TFCP2: variants seen among roughly 807,000 people sequenced by gnomAD.
TFCP2 encodes transcription factor CP2.
In TFCP2, 33 loss-of-function variants were observed where a neutral mutation model predicts 73.4. The ratio of observed to expected loss-of-function variants is 0.45; its 90% confidence interval spans 0.34 to 0.60. The LOEUF (loss-of-function observed/expected upper bound fraction) is 0.60, where lower values mean the gene tolerates loss of function less well. Among genes scored for constraint, TFCP2 ranks in the 20% least tolerant of loss-of-function variants. The probability of loss-of-function intolerance (pLI) is 0.01; values close to 1 mark genes in which losing one functional copy is unlikely to be tolerated. For missense variants in TFCP2, 352 were observed against 604.0 expected, an observed-to-expected ratio of 0.58 and a Z score of 4.37; for synonymous variants, 193 against 211.6, an observed-to-expected ratio of 0.91 and a Z score of 0.76.
At chr12:51,137,746 T>C (rs1283751664) in intron 1 of TFCP2, among the ~76,000 whole-genome samples, 4 of 152,188 alleles carry the variant, frequency 2.6e-5, no homozygotes, top group Non-Finnish European at 4.4e-5. Flanking sequence ...AAAATAGAAC[T>C]CCCATTTCAG....
chr12:51,163,698 A>G (rs2934092), intron 1 of TFCP2, among the ~76,000 whole-genome samples: 127,156 of 151,874 alleles, frequency 0.84, 53,541 homozygotes, highest in Non-Finnish European at 0.89. Context: ...GAGGTGGGAG[A>G]ATCGCTTGAG....
intron 4 of TFCP2, among the ~76,000 whole-genome samples, chr12:51,112,766 CT>C (rs1310220876): frequency 6.6e-6 from 1 of 151,004 alleles, no homozygotes; most frequent in Non-Finnish European, 1.5e-5. Context: ...ACTCAGGAGT[CT>C]GAGGCATGAG....
chr12:51,134,374 T>C (rs1941016864), intron 1 of TFCP2, among the ~76,000 whole-genome samples: 1 of 152,176 alleles, frequency 6.6e-6, no homozygotes, highest in South Asian at 2.1e-4. Context: ...AACCTTCACC[T>C]CCCGGGCTGA....
At chr12:51,148,590 C>T (rs1375973096) in intron 1 of TFCP2, among the ~76,000 whole-genome samples, 4 of 150,092 alleles carry the variant, frequency 2.7e-5, no homozygotes, top group Non-Finnish European at 4.4e-5. Flanking sequence ...GTCCAGGCTA[C>T]TTGGGAGGCT....
At chr12:51,164,043 TA>T (rs531369096) in intron 1 of TFCP2, among the ~76,000 whole-genome samples, 3 of 147,796 alleles carry the variant, frequency 2.0e-5, no homozygotes, top group African/African-American at 2.5e-5. Flanking sequence ...TCTATGAAAT[TA>T]AAAAAAAAAT....
intron 1 of TFCP2, among the ~76,000 whole-genome samples, chr12:51,165,707 C>T (rs946159872): frequency 6.6e-6 from 1 of 152,090 alleles, no homozygotes; most frequent in African/African-American, 2.4e-5. Context: ...CGTAAATGTA[C>T]TTAATTACAC....
intron 9 of TFCP2, 172 bp from the exon 10 acceptor site, chr12:51,103,935 C>G (rs1432753883): frequency 7.2e-6 from 5 of 696,258 alleles, no homozygotes; most frequent in Non-Finnish European, 1.2e-5. Context: ...CTTTTCTTCC[C>G]CACTAGACTA....
At chr12:51,115,504 T>A (rs1940513815) in intron 4 of TFCP2, among the ~76,000 whole-genome samples, 1 of 152,122 alleles carries the variant, frequency 6.6e-6, no homozygotes, top group African/African-American at 2.4e-5. Flanking sequence ...CTAAAAAAAA[T>A]CTAAGATAGA....
At chr12:51,160,746 A>C (rs1040045042) in intron 1 of TFCP2, among the ~76,000 whole-genome samples, 1 of 152,194 alleles carries the variant, frequency 6.6e-6, no homozygotes, top group Non-Finnish European at 1.5e-5. Context: ...AAACACTTGC[A>C]GTGTCCAGAA....
At chr12:51,120,539 G>T (rs1403707512) in intron 1 of TFCP2, among the ~76,000 whole-genome samples, 1 of 151,906 alleles carries the variant, frequency 6.6e-6, no homozygotes, top group Non-Finnish European at 1.5e-5. Context: ...CTACGTGGTT[G>T]TAACTGTAAC....
chr12:51,157,686 C>CTTTTTTTTTTTT (rs538061913), intron 1 of TFCP2, among the ~76,000 whole-genome samples: 1 of 96,090 alleles, frequency 1.0e-5, no homozygotes, highest in African/African-American at 4.2e-5. Flanking sequence ...CTTTTCTTTT[C>CTTTTTTTTTTTT]TTTTTTTTTT....
At position 51,094,971 on chromosome 12, in the gene TFCP2, A is replaced by C; in HGVS notation, c.*270T>G. The stretch of plus-strand genomic sequence containing the variant: ...CCTACATACACTCTAAATTATGTAG[A>C]GTTTCTACTGATATTTAACAACAAC... On this transcript the variant is annotated 3_prime_UTR_variant, in exon 15 of 15. Coordinates refer to ENST00000257915, the MANE Select transcript of TFCP2 (RefSeq NM_005653.5). The C allele has an allele frequency of 2.1e-6, 1 of 485,692 alleles. No homozygotes were observed. The highest frequency in any genetic ancestry group is 3.7e-6 in the Non-Finnish European group (1 of 270,210). The allele number at this position is 485,692 out of a possible 1,614,324, so 30.1% of individuals were successfully genotyped here.
chr12:51,172,078 CT>C (rs1941874422), intron 1 of TFCP2, among the ~76,000 whole-genome samples: 1 of 152,194 alleles, frequency 6.6e-6, no homozygotes, highest in Admixed American at 6.5e-5. Context: ...GGACCACTTC[CT>C]TCTTCCACTG....
At chr12:51,104,245 T>C (rs1040309735) in intron 8 of TFCP2, 42 bp from the exon 9 acceptor site, 1 of 1,542,458 alleles carries the variant, frequency 6.5e-7, no homozygotes, top group Non-Finnish European at 8.9e-7. Context: ...CCATGACACA[T>C]GCTGGGGCTC....
intron 1 of TFCP2, among the ~76,000 whole-genome samples, chr12:51,136,880 G>T (rs1305168444): frequency 2.0e-5 from 3 of 152,170 alleles, no homozygotes; most frequent in African/African-American, 7.2e-5. Flanking sequence ...CAGAAGAGGA[G>T]GTTGCAGTGA....
rs1940254257 is a variant in TFCP2, at chr12:51,106,677, ATTGTTAC to A, written c.829-71_829-65del. 1.5e-5 allele frequency: 20 copies of A among 1,295,498 alleles called. 1 individual carries two copies. The South Asian group carries it at 2.5e-4, about 16-fold the overall frequency. The allele number at this position is 1,295,498 out of a possible 1,614,324, so 80.3% of individuals were successfully genotyped here. On this transcript the variant is annotated intron_variant, in intron 7 of 14. Coordinates refer to ENST00000257915, the MANE Select transcript of TFCP2 (RefSeq NM_005653.5). ...TATGACCCCAGGATTTGACTAAAACATTGTTACTTGAATAGCACATCTTGATTAGTAA... is the reference window on the plus strand; with the variant it reads ...TATGACCCCAGGATTTGACTAAAACATTGAATAGCACATCTTGATTAGTAA...
At chr12:51,140,198 C>G (rs1941155758) in intron 1 of TFCP2, among the ~76,000 whole-genome samples, 1 of 152,060 alleles carries the variant, frequency 6.6e-6, no homozygotes, top group East Asian at 1.9e-4. Context: ...AACACTTATG[C>G]ATGGATATTT....
chr12:51,135,436 C>CA (rs5798157), intron 1 of TFCP2, among the ~76,000 whole-genome samples: 128,242 of 150,892 alleles, frequency 0.85, 55,213 homozygotes, highest in Non-Finnish European at 0.94. Context: ...CACACACACA[C>CA]AAAAAAAACA....
At chr12:51,161,242 G>GT (rs978031988) in intron 1 of TFCP2, among the ~76,000 whole-genome samples, 2 of 152,032 alleles carry the variant, frequency 1.3e-5, no homozygotes, top group Non-Finnish European at 2.9e-5. Flanking sequence ...TGCAGCTTTC[G>GT]TAAGTAACAA....
Sources: gnomAD v4.1 joint callset for allele counts (sites outside exome capture counted in the v4.1 genomes callset) on GRCh38, gnomAD v4.1.1 for gene constraint, MANE v1.5 for transcripts, NCBI Gene and HGNC (gene_info 2026-07-23, HGNC 2026-07-21) for gene names.